The following TBCD variants were observed in gnomAD, a reference collection of about 807,000 sequenced individuals.
TBCD encodes tubulin-specific chaperone D.
In TBCD, 105 loss-of-function variants were observed where a neutral mutation model predicts 169.3. The observed-to-expected ratio is 0.62, with a 90% confidence interval of 0.53 to 0.73. The LOEUF is 0.73. TBCD is among the 30% of genes least tolerant of loss of function. The pLI is 0.00. For synonymous variants in TBCD, 700 were observed against 643.9 expected (o/e 1.09, Z -1.32); for missense variants, 1,444 against 1,600.1 (o/e 0.90, Z 1.66).
chr17:82,930,421 G>T lies in TBCD; in HGVS notation c.2992-101G>T. ...GACCTTCGCGTCTCTGCAGCTCGGAGCAGTTCTGCTCTTCAGCAGATGCTT... is the reference window on the plus strand; with the variant it reads ...GACCTTCGCGTCTCTGCAGCTCGGATCAGTTCTGCTCTTCAGCAGATGCTT... On this transcript the variant is annotated intron_variant, in intron 32 of 38. Transcript: ENST00000355528. The surrounding 1 kb of genome is among the most constrained non-coding windows in gnomAD (Gnocchi z 5.2). The T allele has an allele frequency of 6.7e-7, 1 of 1,489,922 alleles. No individual in the cohort carries two copies. The highest frequency in any genetic ancestry group is 1.4e-5 in the African/African-American group (1 of 71,922). The allele number at this position is 1,489,922 out of a possible 1,614,324, so 92.3% of individuals were successfully genotyped here.
intron 2 of TBCD, among the ~76,000 whole-genome samples, chr17:82,762,582 C>T (rs2047821944): frequency 6.6e-6 from 1 of 151,880 alleles, no homozygotes; most frequent in African/African-American, 2.4e-5. Context: ...AACCCCATCT[C>T]TACTAAAATA....
chr17:82,768,470 G>A lies in TBCD; in HGVS notation c.486G>A (p.Leu162=). 1 of 1,614,008 alleles carries A rather than the reference G, an allele frequency of 6.2e-7. No individual in the cohort carries two copies. Among genetic ancestry groups the A allele is most frequent in the Non-Finnish European group, 8.5e-7 (1 of 1,179,900 alleles). ...TGCTCTGGCTCTCCGTGACCTGCCT[G>A]ATCCCTTTTGATTTTTCTCGCCTTG... ...MLLLWLSVTC[L]IPFDFSRLDG... is the part of the protein sequence containing the mutation. The change falls in exon 5 of 39, where the codon CTG becomes CTA. Residue 162 remains leucine (L), a synonymous_variant. Transcript: ENST00000355528.
At chr17:82,798,680 T>C (rs1022159109) in intron 8 of TBCD, among the ~76,000 whole-genome samples, 2 of 152,340 alleles carry the variant, frequency 1.3e-5, no homozygotes, top group African/African-American at 4.8e-5. Flanking sequence ...ACCTGGCTTC[T>C]TGGGGCCCAG....
In TBCD at chr17:82,929,365, C is replaced by T. The variant is rs774322104; in HGVS notation, c.2856C>T (p.Ser952=). 6 of 1,612,602 alleles carry T rather than the reference C, an allele frequency of 3.7e-6. No individual in the cohort carries two copies. The highest frequency in any genetic ancestry group is 1.1e-5 in the South Asian group (1 of 91,072). The stretch of plus-strand genomic sequence containing the variant: ...TGTCTCACTCACTCTCTTGCAGGTC[C>T]GATGTGGCCTCCGTGAACTGGAGTG... ...RGELEKLFPR[S]DVASVNWSAP... is the part of the protein sequence containing the mutation. Residue 952 remains serine, a synonymous_variant, in exon 32 of 39, where the codon TCC becomes TCT. Transcript: ENST00000355528.
At chr17:82,792,397 A>G (rs534906895) in intron 7 of TBCD, among the ~76,000 whole-genome samples, 3 of 152,296 alleles carry the variant, frequency 2.0e-5, no homozygotes, top group Admixed American at 2.0e-4. Context: ...ATATGTATAT[A>G]TAAAATCCTT....
chr17:82,805,727 A>G, intron 9 of TBCD, 148 bp from the exon 10 acceptor site: 3 of 904,608 alleles, frequency 3.3e-6, no homozygotes, highest in Middle Eastern at 3.5e-4. Flanking sequence ...CACTGCCTCC[A>G]GGTTCTCCCT....
rs912754480 is a variant in TBCD at position 82,930,069 on chromosome 17, G to A, written c.2992-453G>A. ...CAGGACGTGAGGTGCCCTCTGCGCC[G>A]TGTGGGCGCGTGCGGGGAGACCCGG... On this transcript the variant is annotated intron_variant, in intron 32 of 38. Transcript: ENST00000355528. This position sits in a 1 kb window ranked among gnomAD's most constrained non-coding sequence, Gnocchi z 5.2. The A allele has an allele frequency of 1.9e-5, 5 of 257,088 alleles. No individual in the cohort carries two copies. Among genetic ancestry groups the A allele is most frequent in the Admixed American group, 5.1e-5 (1 of 19,640 alleles). The allele number at this position is 257,088 out of a possible 1,614,324, so 15.9% of individuals were successfully genotyped here. A position where few individuals can be genotyped will look rare whatever the true frequency, so the allele number is the denominator to read the frequency against.
At position 82,805,906 on chromosome 17, in the gene TBCD, A is replaced by G. The variant is rs892223305; in HGVS notation, c.982A>G (p.Asn328Asp). Reference protein sequence around the residue: ...YQRGCRSLAANLQLLTQGQSE... With the variant: ...YQRGCRSLAADLQLLTQGQSE... The stretch of plus-strand genomic sequence containing the variant: ...GCGTGGCTGCCGATCTTTGGCTGCA[A>G]ATCTGCAGCTCCTCACTCAGGGTCA... The change falls in exon 10 of 39, where the codon AAT (asparagine) becomes GAT (aspartate). Residue 328 changes from asparagine (N) to aspartate (D), a missense_variant. Transcript: ENST00000355528. The G allele has an allele frequency of 3.1e-6, 5 of 1,611,354 alleles. No individual in the cohort carries two copies. In the Admixed American group the frequency reaches 8.3e-5, roughly 27 times the overall value.
chr17:82,801,081 G>T, intron 9 of TBCD, 85 bp downstream of exon 9: 3 of 1,408,046 alleles, frequency 2.1e-6, no homozygotes, highest in South Asian at 1.4e-5. Context: ...GATGAGGGCG[G>T]GGCAGGTGCT....
chr17:82,942,427 G>GCTTGT (rs767320567), intron 38 of TBCD, 22 bp from the exon 39 acceptor site: 6 of 1,613,964 alleles, frequency 3.7e-6, no homozygotes, highest in Admixed American at 1.7e-5. Flanking sequence ...ACCAGCCTGA[G>GCTTGT]CTTGTCTTGT....
At position 82,874,961 on chromosome 17, in the gene TBCD, G is replaced by A. The variant is rs997964568; in HGVS notation, c.1475+4581G>A. 2.0e-5 allele frequency among the ~76,000 whole-genome samples: 3 copies of A among 152,196 alleles called. No homozygotes were observed. The highest frequency in any genetic ancestry group is 2.1e-4 in the South Asian group (1 of 4,822). On this transcript the variant is annotated intron_variant, in intron 14 of 38. Coordinates refer to ENST00000355528, the MANE Select transcript of TBCD (RefSeq NM_005993.5). The surrounding 1 kb of genome is among the most constrained non-coding windows in gnomAD (Gnocchi z 5.0). Reference sequence around the variant, plus strand: ...ATCAGAGCATCAGAGTGGAATTTTCGCAGGGAAATGGAAATGCCTGATCGA... The same window carrying A: ...ATCAGAGCATCAGAGTGGAATTTTCACAGGGAAATGGAAATGCCTGATCGA...
At chr17:82,867,567 AGT>A (rs1476031994) in intron 13 of TBCD, among the ~76,000 whole-genome samples, 1 of 152,238 alleles carries the variant, frequency 6.6e-6, no homozygotes, top group African/African-American at 2.4e-5. Context: ...GAACGTGAGC[AGT>A]GCGAGAAGGC....
chr17:82,900,471 G>A (rs753152491), intron 17 of TBCD, 180 bp from the exon 18 acceptor site: 6 of 588,594 alleles, frequency 1.0e-5, no homozygotes, highest in South Asian at 2.1e-5. Context: ...TGTAAAGCCC[G>A]TGTGTGCACA....
At chr17:82,891,063 A>G (rs1368993677) in intron 16 of TBCD, among the ~76,000 whole-genome samples, 9 of 152,168 alleles carry the variant, frequency 5.9e-5, no homozygotes, top group African/African-American at 2.2e-4. Flanking sequence ...CGGGGTGACG[A>G]CCGTGCTGGG....
intron 14 of TBCD, among the ~76,000 whole-genome samples, chr17:82,881,585 G>C (rs1250666554): frequency 6.6e-6 from 1 of 152,200 alleles, no homozygotes; most frequent in East Asian, 1.9e-4. Context: ...CTTGAGCCTT[G>C]GGGTACCCCG....
intron 14 of TBCD, among the ~76,000 whole-genome samples, chr17:82,882,899 G>T (rs937761805): frequency 6.6e-6 from 1 of 152,236 alleles, no homozygotes; most frequent in Non-Finnish European, 1.5e-5. Flanking sequence ...AGGATGTGGT[G>T]CTGACGGTGT....
chr17:82,855,889 C>T (rs1456462640), intron 13 of TBCD, among the ~76,000 whole-genome samples: 1 of 151,368 alleles, frequency 6.6e-6, no homozygotes, highest in Non-Finnish European at 1.5e-5. Context: ...GTCTGCAATG[C>T]GTGACCCTTT....
chr17:82,914,678 G>A (rs1476511972), intron 23 of TBCD, among the ~76,000 whole-genome samples: 4 of 152,166 alleles, frequency 2.6e-5, no homozygotes, highest in Non-Finnish European at 5.9e-5. Flanking sequence ...CTCAGCTCCC[G>A]GCGCCGGCCC....
At chr17:82,799,825 C>T (rs1392509272) in intron 8 of TBCD, among the ~76,000 whole-genome samples, 1 of 152,224 alleles carries the variant, frequency 6.6e-6, no homozygotes, top group Non-Finnish European at 1.5e-5. Flanking sequence ...GCTCATTGTG[C>T]CCACTGTCAG....
Sources: allele counts gnomAD v4.1 joint callset (sites outside exome capture counted in the v4.1 genomes callset), GRCh38; gene constraint gnomAD v4.1.1; non-coding constraint Gnocchi (gnomAD v3.1); transcripts MANE v1.5; gene names NCBI Gene and HGNC (gene_info 2026-07-23, HGNC 2026-07-21).